The following DOCK3 variants were observed in gnomAD, a reference collection of about 807,000 sequenced individuals.
DOCK3 encodes dedicator of cytokinesis 3.
DOCK3 carries 60 observed loss-of-function variants against 265.6 expected under a neutral mutation model. The ratio of observed to expected loss-of-function variants is 0.23; its 90% CI spans 0.18 to 0.28. DOCK3 has a LOEUF of 0.28. DOCK3 is among the 10% of genes least tolerant of loss of function. DOCK3 has a pLI of 1.00. For synonymous variants in DOCK3, 881 were observed against 938.0 expected (o/e 0.94, Z 1.11); for missense variants, 1,981 against 2,594.3 (o/e 0.76, Z 5.14).
intron 4 of DOCK3, among the ~76,000 whole-genome samples, chr3:50,931,580 T>G (rs189086373): frequency 1.3e-5 from 2 of 152,370 alleles, no homozygotes; most frequent in East Asian, 3.9e-4. Context: ...CATTATGACT[T>G]TCTTCTCAGA....
chr3:50,702,425 G>A (rs553818896), intron 1 of DOCK3, among the ~76,000 whole-genome samples: 5 of 152,030 alleles, frequency 3.3e-5, no homozygotes, highest in East Asian at 1.9e-4. Context: ...GTGCAGTGGC[G>A]CAATCTCGGC....
chr3:51,315,038 G>C lies in DOCK3; in HGVS notation c.3312G>C (p.Leu1104=), dbSNP rs1220181520. Reference sequence around the variant, plus strand: ...TTGGTCCTTTTCTGGGTGTGACACTGGTCCCACAGCCAGAAGTACGGAATA... The same window carrying C: ...TTGGTCCTTTTCTGGGTGTGACACTCGTCCCACAGCCAGAAGTACGGAATA... ...GMIGPFLGVT[L]VPQPEVRNIM... The change falls in exon 32 of 53, where the codon CTG becomes CTC. Residue 1104 remains leucine, a synonymous_variant. Coordinates refer to ENST00000266037, the MANE Select transcript of DOCK3 (RefSeq NM_004947.5). 23 of 1,612,816 alleles carry C rather than the reference G, an allele frequency of 1.4e-5. No individual in the cohort carries two copies. The highest frequency in any genetic ancestry group is 2.0e-5 in the Non-Finnish European group (23 of 1,179,310).
At chr3:50,729,559 A>G (rs1010056754) in intron 1 of DOCK3, among the ~76,000 whole-genome samples, 3 of 151,610 alleles carry the variant, frequency 2.0e-5, no homozygotes, top group Non-Finnish European at 2.9e-5. Flanking sequence ...TTTTTAAGAG[A>G]GGGTCTCATT....
intron 12 of DOCK3, among the ~76,000 whole-genome samples, chr3:51,196,736 G>A (rs1466548724): frequency 6.6e-6 from 1 of 152,156 alleles, no homozygotes; most frequent in East Asian, 1.9e-4. Context: ...TCTATCTGGT[G>A]CTTTAAAAAA....
At chr3:50,692,394 C>G (rs1576116723) in intron 1 of DOCK3, among the ~76,000 whole-genome samples, 1 of 152,252 alleles carries the variant, frequency 6.6e-6, no homozygotes, top group East Asian at 1.9e-4. Context: ...GTATTAGATT[C>G]TCATAAGGAG....
intron 5 of DOCK3, among the ~76,000 whole-genome samples, chr3:50,935,777 G>A (rs1409064592): frequency 6.6e-6 from 1 of 152,188 alleles, no homozygotes; most frequent in Middle Eastern, 3.2e-3. Flanking sequence ...AAGCACTGCA[G>A]AGATTTTTGT....
chr3:51,264,503 A>G (rs2080046989), intron 23 of DOCK3, among the ~76,000 whole-genome samples: 1 of 152,188 alleles, frequency 6.6e-6, no homozygotes, highest in South Asian at 2.1e-4. Context: ...TAGAGAAGCA[A>G]GAGCATACAA....
intron 9 of DOCK3, among the ~76,000 whole-genome samples, chr3:51,134,847 T>C (rs1381624547): frequency 6.6e-6 from 1 of 152,216 alleles, no homozygotes; most frequent in African/African-American, 2.4e-5. Context: ...TTTCCAGATT[T>C]GAATTTCAAC....
chr3:51,167,302 A>T (rs146630834), intron 12 of DOCK3, among the ~76,000 whole-genome samples: 1 of 152,074 alleles, frequency 6.6e-6, no homozygotes, highest in Non-Finnish European at 1.5e-5. Context: ...CCATTGGTCT[A>T]TGTGTCTGTT....
In DOCK3 at chr3:51,020,450, C is replaced by T. The variant is rs531583136; in HGVS notation, c.316-43998C>T. On this transcript the variant is annotated intron_variant, in intron 5 of 52. Coordinates refer to ENST00000266037, the MANE Select transcript of DOCK3 (RefSeq NM_004947.5). ...TTTACTCTGATGATAGTTCCTTTTG[C>T]TGTGCAGAAGCTCTTTAGTTTAATT... Among the ~76,000 whole-genome samples the T allele has an allele frequency of 2.0e-5, 3 of 151,954 alleles. No individual in the cohort carries two copies. The South Asian group carries it at 6.2e-4, about 31-fold the overall frequency.
chr3:50,779,363 T>C (rs1258764940), intron 2 of DOCK3, among the ~76,000 whole-genome samples: 1 of 152,130 alleles, frequency 6.6e-6, no homozygotes, highest in Non-Finnish European at 1.5e-5. Context: ...GAACAGGTCC[T>C]CAAATTTTTT....
chr3:51,200,220 G>A (rs1180415717), intron 12 of DOCK3, among the ~76,000 whole-genome samples: 4 of 151,942 alleles, frequency 2.6e-5, no homozygotes, highest in Non-Finnish European at 4.4e-5. Context: ...GAAGGCTTCA[G>A]ACAATCAAAC....
intron 5 of DOCK3, among the ~76,000 whole-genome samples, chr3:50,955,343 C>T (rs1003158047): frequency 5.3e-5 from 8 of 152,098 alleles, no homozygotes; most frequent in Admixed American, 2.6e-4. Context: ...GTTATGTACT[C>T]AGAGGAATAC....
At chr3:51,345,138 CCA>C (rs2085477445) in intron 38 of DOCK3, among the ~76,000 whole-genome samples, 1 of 152,180 alleles carries the variant, frequency 6.6e-6, no homozygotes, top group African/African-American at 2.4e-5. Context: ...TAGCTAGCCC[CCA>C]TGAAGCTGCC....
intron 4 of DOCK3, among the ~76,000 whole-genome samples, chr3:50,932,389 C>G (rs956659949): frequency 2.0e-5 from 3 of 149,282 alleles, no homozygotes; most frequent in Non-Finnish European, 4.5e-5. Context: ...TTTTCCTGTA[C>G]TTTTTTTTTT....
chr3:51,085,068 CATAAAA>C (rs1192954373), intron 7 of DOCK3, among the ~76,000 whole-genome samples: 2 of 151,974 alleles, frequency 1.3e-5, no homozygotes, highest in African/African-American at 4.8e-5. Context: ...CATCAAAAAA[CATAAAA>C]ATAGATAAGG....
Position 51,341,379 on chromosome 3 carries a change from A to G in DOCK3, c.3909A>G (p.Lys1303=). ...GGAAGATCATTCACTACTTCAACAA[A>G]GGCAAGGTATGCATCATTAGGCAAG... is the stretch of plus-strand genomic sequence containing the variant. The part of the protein sequence containing the change: ...LCRKIIHYFN[K]GKSWEFGIPL... Residue 1303 remains lysine, a synonymous_variant, in exon 38 of 53, where the codon AAA becomes AAG. Coordinates refer to ENST00000266037, the MANE Select transcript of DOCK3 (RefSeq NM_004947.5). The G allele has an allele frequency of 6.2e-7, 1 of 1,613,680 alleles. No individual in the cohort carries two copies. Among genetic ancestry groups the G allele is most frequent in the Non-Finnish European group, 8.5e-7 (1 of 1,179,754 alleles).
rs748667683 is a variant in DOCK3, at chr3:50,890,544, AAG to A, written c.218+467_218+468del. Among the ~76,000 whole-genome samples, 105 of 152,246 alleles carry A rather than the reference AAG, an allele frequency of 6.9e-4. 1 individual carries two copies. The Middle Eastern group carries it at 0.017, about 25-fold the overall frequency. On this transcript the variant is annotated intron_variant, in intron 4 of 52. Coordinates refer to ENST00000266037, the MANE Select transcript of DOCK3 (RefSeq NM_004947.5). ...TTAAAAACAAAGCAATCTGCCTAAA[AAG>A]AGACAAGAAATAAATATATCAAAAT...
intron 2 of DOCK3, among the ~76,000 whole-genome samples, chr3:50,803,528 C>A (rs578241419): frequency 9.2e-5 from 14 of 151,986 alleles, no homozygotes; most frequent in Non-Finnish European, 1.8e-4. Flanking sequence ...CACACTTCCC[C>A]CCCTTCCACT....
Sources: allele counts gnomAD v4.1 joint callset (sites outside exome capture counted in the v4.1 genomes callset), GRCh38; gene constraint gnomAD v4.1.1; transcripts MANE v1.5; gene names NCBI Gene and HGNC (gene_info 2026-07-23, HGNC 2026-07-21).